The following SRBD1 variants were observed in gnomAD, a reference collection of about 807,000 sequenced individuals.
SRBD1 encodes S1 RNA-binding domain-containing protein 1.
SRBD1 carries 88 observed loss-of-function variants against 115.3 expected under a neutral mutation model. The ratio of observed to expected loss-of-function variants is 0.76; its 90% confidence interval spans 0.64 to 0.91. SRBD1 has a LOEUF of 0.91. Among genes scored for constraint, SRBD1 ranks in the 40% least tolerant of loss-of-function variants. The pLI, the probability that SRBD1 is intolerant of heterozygous loss-of-function variation, is 0.00. For synonymous variants in SRBD1, 509 were observed against 407.7 expected (o/e 1.25, Z -2.99); for missense variants, 1,385 against 1,177.4 (o/e 1.18, Z -2.58).
chr2:45,590,315 G>C (rs181093952), intron 4 of SRBD1, among the ~76,000 whole-genome samples: 1 of 152,300 alleles, frequency 6.6e-6, no homozygotes, highest in East Asian at 1.9e-4. Context: ...TTGAAACGAA[G>C]ACAATAACAG....
At chr2:45,467,800 A>G (rs950031569) in intron 16 of SRBD1, among the ~76,000 whole-genome samples, 2 of 152,160 alleles carry the variant, frequency 1.3e-5, no homozygotes, top group Non-Finnish European at 2.9e-5. Flanking sequence ...TTTTCTGATT[A>G]TAAGTAAATT....
chr2:45,460,989 C>T (rs1396751395), intron 16 of SRBD1, among the ~76,000 whole-genome samples: 2 of 152,178 alleles, frequency 1.3e-5, no homozygotes, highest in Admixed American at 6.5e-5. Context: ...AATAACAACC[C>T]AACCAGGCGT....
chr2:45,535,749 C>A (rs1384836503), intron 14 of SRBD1, among the ~76,000 whole-genome samples: 2 of 152,012 alleles, frequency 1.3e-5, no homozygotes, highest in African/African-American at 4.8e-5. Flanking sequence ...TCTCACAAAT[C>A]AAAAGAGAAG....
chr2:45,399,874 T>C (rs1667246000), intron 19 of SRBD1, among the ~76,000 whole-genome samples: 1 of 152,132 alleles, frequency 6.6e-6, no homozygotes, highest in Admixed American at 6.5e-5. Context: ...AAAGCCATAA[T>C]GTGGATTAGT....
intron 10 of SRBD1, among the ~76,000 whole-genome samples, chr2:45,560,368 A>T (rs1301327926): frequency 6.6e-6 from 1 of 152,220 alleles, no homozygotes; most frequent in Non-Finnish European, 1.5e-5. Flanking sequence ...ATATTTACAG[A>T]AAAATAAGCC....
chr2:45,519,867 A>T, intron 14 of SRBD1, among the ~76,000 whole-genome samples: 1 of 152,260 alleles, frequency 6.6e-6, no homozygotes. Flanking sequence ...TAAGGTTACT[A>T]TTTATTATTA....
intron 3 of SRBD1, among the ~76,000 whole-genome samples, chr2:45,600,313 A>G (rs1674053036): frequency 1.9e-5 from 1 of 51,388 alleles, no homozygotes; most frequent in East Asian, 3.2e-4. Flanking sequence ...ACCATTCGGG[A>G]AAAAATGGAT....
At chr2:45,587,492 A>T (rs1221987521) in intron 4 of SRBD1, among the ~76,000 whole-genome samples, 1 of 152,108 alleles carries the variant, frequency 6.6e-6, no homozygotes, top group Non-Finnish European at 1.5e-5. Context: ...AGTACGTTTT[A>T]TTATTATTTC....
At chr2:45,459,721 C>T (rs1669258475) in intron 16 of SRBD1, among the ~76,000 whole-genome samples, 1 of 152,060 alleles carries the variant, frequency 6.6e-6, no homozygotes, top group Non-Finnish European at 1.5e-5. Context: ...GAAAACATAT[C>T]GGTATCCTTA....
At chr2:45,531,933 T>C (rs558453652) in intron 14 of SRBD1, among the ~76,000 whole-genome samples, 1 of 151,976 alleles carries the variant, frequency 6.6e-6, no homozygotes, top group Non-Finnish European at 1.5e-5. Context: ...CTGCCTGTTA[T>C]TCTTTCTTTC....
chr2:45,508,717 T>A (rs1470444899), intron 14 of SRBD1, among the ~76,000 whole-genome samples: 1 of 152,248 alleles, frequency 6.6e-6, no homozygotes, highest in Non-Finnish European at 1.5e-5. Flanking sequence ...GACTTTTTTA[T>A]TCTTAGAACT....
chr2:45,535,111 T>C (rs932842605), intron 14 of SRBD1, among the ~76,000 whole-genome samples: 4 of 152,004 alleles, frequency 2.6e-5, no homozygotes, highest in African/African-American at 9.7e-5. Flanking sequence ...AAAGCATGTC[T>C]CCAAATCTTG....
intron 14 of SRBD1, among the ~76,000 whole-genome samples, chr2:45,521,460 T>G (rs1405223154): frequency 6.6e-6 from 1 of 152,010 alleles, no homozygotes; most frequent in Admixed American, 6.6e-5. Flanking sequence ...GAGATATCAC[T>G]GCACCCCTAC....
chr2:45,601,280 T>C (rs1386685367), intron 3 of SRBD1, among the ~76,000 whole-genome samples: 1 of 152,226 alleles, frequency 6.6e-6, no homozygotes, highest in African/African-American at 2.4e-5. Context: ...GATTACTACT[T>C]AATTCCCTAT....
chr2:45,517,805 G>A (rs1227981992), intron 14 of SRBD1, among the ~76,000 whole-genome samples: 1 of 152,078 alleles, frequency 6.6e-6, no homozygotes, highest in African/African-American at 2.4e-5. Flanking sequence ...GACCAGCCTG[G>A]GCAACATAGC....
chr2:45,458,145 G>A (rs1669209314), intron 16 of SRBD1, among the ~76,000 whole-genome samples: 1 of 151,968 alleles, frequency 6.6e-6, no homozygotes, highest in Non-Finnish European at 1.5e-5. Context: ...TGGAGTTTAT[G>A]AAAATAAAAA....
intron 16 of SRBD1, among the ~76,000 whole-genome samples, chr2:45,468,647 CAA>C (rs1669562561): frequency 6.6e-6 from 1 of 152,132 alleles, no homozygotes; most frequent in African/African-American, 2.4e-5. Context: ...CTCGGCCTCC[CAA>C]AGTGTTGGGA....
chr2:45,530,685 T>C (rs1671583655), intron 14 of SRBD1, among the ~76,000 whole-genome samples: 3 of 152,042 alleles, frequency 2.0e-5, no homozygotes, highest in African/African-American at 4.8e-5. Context: ...TAGAAAGGTA[T>C]AGCACTTCCA....
intron 14 of SRBD1, among the ~76,000 whole-genome samples, chr2:45,512,509 T>C (rs1453939782): frequency 6.6e-6 from 1 of 152,194 alleles, no homozygotes; most frequent in Non-Finnish European, 1.5e-5. Context: ...ATAACAATTT[T>C]CTGGCACACT....
Sources: allele counts gnomAD v4.1 joint callset (sites outside exome capture counted in the v4.1 genomes callset), GRCh38; gene constraint gnomAD v4.1.1; transcripts MANE v1.5; gene names NCBI Gene and HGNC (gene_info 2026-07-23, HGNC 2026-07-21).